USP44: variants seen among roughly 807,000 people sequenced by gnomAD.
The protein encoded by USP44 is ubiquitin specific peptidase 44.
In USP44, 61 loss-of-function variants were observed where a neutral mutation model predicts 69.0. That is an observed-to-expected ratio of 0.88 (90% CI 0.72 to 1.09). The LOEUF (loss-of-function observed/expected upper bound fraction) is 1.09. USP44 is among the 50% of genes least tolerant of loss of function. The probability of loss-of-function intolerance (pLI) is 0.00; values close to 1 mark genes in which losing one functional copy is unlikely to be tolerated. For synonymous variants in USP44, 297 were observed against 295.4 expected, an observed-to-expected ratio of 1.01 and a Z score of -0.06; for missense variants, 753 against 849.9, an observed-to-expected ratio of 0.89 and a Z score of 1.42.
chr12:95,529,610 G>A (rs1484526139), intron 2 of USP44, among the ~76,000 whole-genome samples: 3 of 151,962 alleles, frequency 2.0e-5, no homozygotes, highest in Admixed American at 6.6e-5. Context: ...TTTAGTAAAC[G>A]GGCTTTCGCC....
chr12:95,543,406 C>CAAA (rs60127958), intron 1 of USP44, among the ~76,000 whole-genome samples: 18 of 43,126 alleles, frequency 4.2e-4, no homozygotes, highest in Admixed American at 7.8e-4. Flanking sequence ...GACTCTTTCT[C>CAAA]AAAAAAAAAA....
At chr12:95,535,689 A>C (rs2077176030) in intron 1 of USP44, among the ~76,000 whole-genome samples, 1 of 152,238 alleles carries the variant, frequency 6.6e-6, no homozygotes, top group South Asian at 2.1e-4. Flanking sequence ...ACATGTAATG[A>C]ACAGAAATCT....
intron 4 of USP44, among the ~76,000 whole-genome samples, chr12:95,521,762 C>T (rs931898649): frequency 1.3e-5 from 2 of 152,200 alleles, no homozygotes; most frequent in Admixed American, 6.5e-5. Context: ...GCTGGGATTA[C>T]AGGTGTGAGC....
Position 95,518,111 on chromosome 12 carries a change from GTATA to G in USP44, c.*39_*42del, listed in dbSNP as rs748885883. The stretch of plus-strand genomic sequence containing the variant: ...AAATGGTACATCAGTCTTTTAAAAA[GTATA>G]TATATAAATCACAGGAAGAAAACCC... On this transcript the variant is annotated 3_prime_UTR_variant, in exon 6 of 6. Coordinates refer to ENST00000258499, the MANE Select transcript of USP44 (RefSeq NM_032147.5). 5.0e-6 allele frequency: 8 copies of G among 1,595,876 alleles called. No homozygotes were observed. Among genetic ancestry groups the G allele is most frequent in the East Asian group, 4.5e-5 (2 of 44,782 alleles).
At chr12:95,531,917 C>T (rs1172627945) in intron 2 of USP44, among the ~76,000 whole-genome samples, 1 of 152,162 alleles carries the variant, frequency 6.6e-6, no homozygotes, top group Non-Finnish European at 1.5e-5. Context: ...TATAGAGAAC[C>T]TTTACTTCGA....
At chr12:95,537,957 A>G (rs767829521) in intron 1 of USP44, among the ~76,000 whole-genome samples, 4 of 152,218 alleles carry the variant, frequency 2.6e-5, no homozygotes, top group African/African-American at 4.8e-5. Context: ...GAATACAAAA[A>G]AAGTACCTGT....
At chr12:95,550,787 G>T (rs1423786066) in intron 1 of USP44, among the ~76,000 whole-genome samples, 1 of 151,984 alleles carries the variant, frequency 6.6e-6, no homozygotes, top group Non-Finnish European at 1.5e-5. Flanking sequence ...AAAGTGAAAT[G>T]GGAAGAAAAG....
chr12:95,531,183 C>CA (rs1048004477), intron 2 of USP44, among the ~76,000 whole-genome samples: 26 of 147,566 alleles, frequency 1.8e-4, no homozygotes, highest in Admixed American at 6.1e-4. Flanking sequence ...AAAACAAAAA[C>CA]AAAAAAAAAC....
chr12:95,543,801 C>T (rs1323543665), intron 1 of USP44, among the ~76,000 whole-genome samples: 1 of 151,040 alleles, frequency 6.6e-6, no homozygotes, highest in Non-Finnish European at 1.5e-5. Context: ...CCTGTCTCTA[C>T]AAAACATACA....
intron 1 of USP44, among the ~76,000 whole-genome samples, chr12:95,537,411 T>C (rs1476005730): frequency 2.0e-5 from 3 of 152,084 alleles, no homozygotes; most frequent in Non-Finnish European, 2.9e-5. Context: ...CTCCACCTCC[T>C]GGGTTCAAGC....
chr12:95,530,646 T>TTAGATAG (rs138921256), intron 2 of USP44, among the ~76,000 whole-genome samples: 1 of 147,336 alleles, frequency 6.8e-6, no homozygotes, highest in East Asian at 2.0e-4. Flanking sequence ...CTACTGGAAA[T>TTAGATAG]ATAGATAGAT....
chr12:95,528,841 T>C lies in USP44; in HGVS notation c.1590A>G (p.Leu530=). The C allele has an allele frequency of 6.2e-7, 1 of 1,614,080 alleles. No individual in the cohort carries two copies. The highest frequency in any genetic ancestry group is 8.5e-7 in the Non-Finnish European group (1 of 1,180,000). Reference sequence around the variant, plus strand: ...GGTCACATACGTAGATTTTTCCTTCTAAAGCTTCAGTTTCTGTAAATTTGG... The same window carrying C: ...GGTCACATACGTAGATTTTTCCTTCCAAAGCTTCAGTTTCTGTAAATTTGG... ...MLAKFTETEA[L]EGKIYVCDQC... The change falls in exon 3 of 6, where the codon TTA becomes TTG. Residue 530 remains leucine, a synonymous_variant. Transcript: ENST00000258499.
In USP44 at chr12:95,533,466, C is replaced by T. The variant is rs1332156321; in HGVS notation, c.791G>A (p.Arg264Gln). The T allele has an allele frequency of 2.7e-5, 43 of 1,614,024 alleles. No homozygotes were observed. Among genetic ancestry groups the T allele is most frequent in the African/African-American group, 5.3e-5 (4 of 74,916 alleles). ...TACACCAGGAGTTACTATTGGCCTTCGTTTAACTGAGGAGTCACTGACTTT... is the reference window on the plus strand; with the variant it reads ...TACACCAGGAGTTACTATTGGCCTTTGTTTAACTGAGGAGTCACTGACTTT... Reference protein sequence around the residue: ...SQKVSDSSVKRRPIVTPGVTG... With the variant: ...SQKVSDSSVKQRPIVTPGVTG... The change falls in exon 2 of 6, where the codon CGA (arginine) becomes CAA (glutamine). Residue 264 changes from arginine to glutamine, a missense_variant. Physicochemically the swap from Arg to Gln is conservative, Grantham distance 43 (BLOSUM62 1). Coordinates refer to ENST00000258499, the MANE Select transcript of USP44 (RefSeq NM_032147.5).
chr12:95,527,836 C>CTTCTT (rs1555198851), intron 3 of USP44, among the ~76,000 whole-genome samples: 3 of 54,824 alleles, frequency 5.5e-5, no homozygotes, highest in African/African-American at 8.6e-5. Flanking sequence ...GAGGAAGATG[C>CTTCTT]TTTTTTTTTT....
In USP44 at chr12:95,521,026, T is replaced by TAGTG. The variant is rs2076643038; in HGVS notation, c.1906_1909dup (p.Tyr637SerfsTer8). 3 of 1,614,094 alleles carry TAGTG rather than the reference T, an allele frequency of 1.9e-6. No individual in the cohort carries two copies. The highest frequency in any genetic ancestry group is 2.5e-6 in the Non-Finnish European group (3 of 1,180,050). Reference sequence around the variant, plus strand: ...TTCAGAATTATAGCAGTAGGCAGTGTAGTGCCCTGAGCCAAATCCTTTCCC... The same window carrying TAGTG: ...TTCAGAATTATAGCAGTAGGCAGTGTAGTGAGTGCCCTGAGCCAAATCCTTTCCC... On this transcript the variant is annotated frameshift_variant, in exon 5 of 6. Transcript: ENST00000258499. LOFTEE classifies it high-confidence loss of function.
At chr12:95,521,259 T>C in intron 4 of USP44, 57 bp from the exon 5 acceptor site, 1 of 1,529,912 alleles carries the variant, frequency 6.5e-7, no homozygotes, top group Non-Finnish European at 9.1e-7. Flanking sequence ...AACCACGTAC[T>C]AGGTCTAGAC....
chr12:95,527,526 C>T (rs891039355), intron 3 of USP44, among the ~76,000 whole-genome samples: 1 of 152,154 alleles, frequency 6.6e-6, no homozygotes, highest in African/African-American at 2.4e-5. Context: ...GTTCTGTCAT[C>T]CAGGAAGGAG....
intron 1 of USP44, among the ~76,000 whole-genome samples, chr12:95,539,112 G>A (rs1023342308): frequency 9.9e-5 from 15 of 152,036 alleles, no homozygotes; most frequent in Non-Finnish European, 1.5e-5. Context: ...AACTATCTGT[G>A]CTATAATTCT....
rs955031405 is a variant in USP44 at position 95,533,648 on chromosome 12, T to C, written c.609A>G (p.Ala203=). The C allele has an allele frequency of 6.2e-7, 1 of 1,613,956 alleles. No homozygotes were observed. The change falls in exon 2 of 6, where the codon GCA becomes GCG. Residue 203 remains alanine (A), a synonymous_variant. Transcript: ENST00000258499. ...RRQELEYQVK[A]ELESMPPRKS... ...TTCTTGGAGGCATACTTTCCAATTC[T>C]GCTTTAACTTGATACTCCAATTCCT...
Sources: gnomAD v4.1 joint callset for allele counts (sites outside exome capture counted in the v4.1 genomes callset) on GRCh38, gnomAD v4.1.1 for gene constraint, MANE v1.5 for transcripts, NCBI Gene and HGNC (gene_info 2026-07-23, HGNC 2026-07-21) for gene names.